The following CNTN5 variants were observed in gnomAD, a reference collection of about 807,000 sequenced individuals.
CNTN5 encodes the protein contactin 5, also known as contactin-5.
A neutral mutation model predicts 129.1 loss-of-function variants in CNTN5; 77 were observed. The ratio of observed to expected loss-of-function variants is 0.60; its 90% CI spans 0.50 to 0.72. The LOEUF is 0.72. CNTN5 is among the 30% of genes least tolerant of loss of function. The pLI is 0.00. For synonymous variants in CNTN5, 509 were observed against 465.6 expected, an observed-to-expected ratio of 1.09 and a Z score of -1.20; for missense variants, 1,478 against 1,328.8, an observed-to-expected ratio of 1.11 and a Z score of -1.75.
At chr11:99,130,498 C>A (rs909578522) in intron 1 of CNTN5, among the ~76,000 whole-genome samples, 1 of 151,984 alleles carries the variant, frequency 6.6e-6, no homozygotes, top group African/African-American at 2.4e-5. Flanking sequence ...AGATTTAGAC[C>A]CCCACACGAT....
rs114096317 is a variant in CNTN5, at chr11:99,325,831, T to G, written c.-71+347T>G. ...AAAACAGTACTCAGATATAGCCTCC[T>G]GTTCCATGATATCTTTCTCAACCGA... On this transcript the variant is annotated intron_variant, in intron 2 of 24. Coordinates refer to ENST00000524871, the MANE Select transcript of CNTN5 (RefSeq NM_014361.4). Among the ~76,000 whole-genome samples the G allele has an allele frequency of 3.8e-3, 580 of 152,332 alleles. 3 individuals are homozygous for G. The highest frequency in any genetic ancestry group is 0.013 in the African/African-American group (540 of 41,576).
intron 13 of CNTN5, among the ~76,000 whole-genome samples, chr11:100,147,395 G>A (rs1043305702): frequency 4.6e-5 from 7 of 152,102 alleles, no homozygotes; most frequent in Non-Finnish European, 7.4e-5. Context: ...TTGTGTTAAA[G>A]GTCACTGTTC....
chr11:99,107,703 G>T (rs530175109), intron 1 of CNTN5, among the ~76,000 whole-genome samples: 2 of 151,762 alleles, frequency 1.3e-5, no homozygotes, highest in Admixed American at 1.3e-4. Context: ...AGGCTGAGGC[G>T]GGCAGATCAT....
intron 1 of CNTN5, among the ~76,000 whole-genome samples, chr11:99,051,827 G>T (rs1451272625): frequency 6.6e-6 from 1 of 151,862 alleles, no homozygotes; most frequent in Non-Finnish European, 1.5e-5. Flanking sequence ...ATAAGGAAGT[G>T]TTTATTCTTT....
At chr11:99,736,375 T>C (rs1048798592) in intron 3 of CNTN5, among the ~76,000 whole-genome samples, 2 of 152,142 alleles carry the variant, frequency 1.3e-5, no homozygotes, top group African/African-American at 4.8e-5. Flanking sequence ...CCTGGGGCAA[T>C]GAGGGCTGGT....
intron 3 of CNTN5, among the ~76,000 whole-genome samples, chr11:99,815,962 G>C (rs1591241084): frequency 6.6e-6 from 1 of 152,080 alleles, no homozygotes; most frequent in East Asian, 1.9e-4. Flanking sequence ...CACCGGGTTA[G>C]AGTCCGTGGT....
intron 1 of CNTN5, among the ~76,000 whole-genome samples, chr11:99,180,525 C>T (rs995766336): frequency 8.5e-5 from 13 of 152,092 alleles, no homozygotes; most frequent in Admixed American, 6.5e-4. Context: ...TATTGTTTTC[C>T]GATAACTAAC....
intron 1 of CNTN5, among the ~76,000 whole-genome samples, chr11:99,154,478 G>C (rs1483531503): frequency 3.9e-5 from 6 of 152,174 alleles, no homozygotes; most frequent in African/African-American, 1.4e-4. Flanking sequence ...TGAGGTGATG[G>C]GTGGCAAGGA....
At chr11:99,439,794 A>G (rs1319591544) in intron 2 of CNTN5, among the ~76,000 whole-genome samples, 1 of 152,024 alleles carries the variant, frequency 6.6e-6, no homozygotes, top group Non-Finnish European at 1.5e-5. Context: ...GTATTTTTAG[A>G]TAAGATACAT....
chr11:99,447,692 C>T (rs561245659), intron 2 of CNTN5, among the ~76,000 whole-genome samples: 5 of 152,138 alleles, frequency 3.3e-5, no homozygotes, highest in African/African-American at 7.2e-5. Flanking sequence ...TTTGGTAGGC[C>T]GAGGTGGGCA....
intron 20 of CNTN5, 100 bp downstream of exon 20, chr11:100,299,496 A>C: frequency 1.5e-6 from 1 of 662,544 alleles, no homozygotes; most frequent in East Asian, 3.1e-5. Context: ...AAATAAGGCA[A>C]AATAAACTCA....
At chr11:99,751,130 A>T (rs890894840) in intron 3 of CNTN5, among the ~76,000 whole-genome samples, 1 of 152,176 alleles carries the variant, frequency 6.6e-6, no homozygotes, top group Non-Finnish European at 1.5e-5. Context: ...TAAGGTCAGG[A>T]GTTCGAGAAC....
At chr11:100,128,865 C>T (rs1946285264) in intron 13 of CNTN5, among the ~76,000 whole-genome samples, 1 of 151,914 alleles carries the variant, frequency 6.6e-6, no homozygotes, top group Non-Finnish European at 1.5e-5. Flanking sequence ...TAAAATATTA[C>T]TTGCCCAGAG....
At chr11:99,457,824 T>C (rs1944551145) in intron 2 of CNTN5, among the ~76,000 whole-genome samples, 1 of 151,802 alleles carries the variant, frequency 6.6e-6, no homozygotes, top group Admixed American at 6.6e-5. Flanking sequence ...AATGGTCATG[T>C]TTAACAGTCA....
chr11:99,843,800 T>C (rs1947592058), intron 4 of CNTN5, among the ~76,000 whole-genome samples: 1 of 152,208 alleles, frequency 6.6e-6, no homozygotes, highest in African/African-American at 2.4e-5. Context: ...GTACAGAGAC[T>C]GAGAAACCTG....
intron 1 of CNTN5, among the ~76,000 whole-genome samples, chr11:99,129,036 G>T (rs1302353250): frequency 6.6e-6 from 1 of 152,172 alleles, no homozygotes; most frequent in Non-Finnish European, 1.5e-5. Context: ...AATTTCAAAA[G>T]CCAGAAATGC....
At chr11:100,281,547 A>T (rs1157280337) in intron 18 of CNTN5, among the ~76,000 whole-genome samples, 1 of 151,752 alleles carries the variant, frequency 6.6e-6, no homozygotes, top group Admixed American at 6.6e-5. Flanking sequence ...AAGTTTGATT[A>T]TTAACTGTCT....
intron 2 of CNTN5, among the ~76,000 whole-genome samples, chr11:99,469,173 T>C (rs1009735940): frequency 6.6e-6 from 1 of 152,126 alleles, no homozygotes; most frequent in Admixed American, 6.5e-5. Context: ...TGACCATATT[T>C]AAAATCTTAG....
chr11:99,569,421 C>T (rs1342708070), intron 3 of CNTN5, among the ~76,000 whole-genome samples: 2 of 152,172 alleles, frequency 1.3e-5, no homozygotes, highest in African/African-American at 2.4e-5. Context: ...TCAAGCGATT[C>T]TCCCGCGTCA....
Sources: allele counts gnomAD v4.1 joint callset (sites outside exome capture counted in the v4.1 genomes callset), GRCh38; gene constraint gnomAD v4.1.1; transcripts MANE v1.5; gene names NCBI Gene and HGNC (gene_info 2026-07-23, HGNC 2026-07-21).